Variants in VAV3 observed in about 807,000 individuals in gnomAD.
VAV3 encodes the protein guanine nucleotide exchange factor VAV3.
A neutral mutation model predicts 131.2 loss-of-function variants in VAV3; 94 were observed. The ratio of observed to expected loss-of-function variants is 0.72; its 90% CI spans 0.61 to 0.85. The LOEUF (loss-of-function observed/expected upper bound fraction) is 0.85. Among genes scored for constraint, VAV3 ranks in the 40% least tolerant of loss-of-function variants. The probability of loss-of-function intolerance (pLI) is 0.00; values close to 1 mark genes in which losing one functional copy is unlikely to be tolerated. For missense variants in VAV3, 939 were observed against 1,002.7 expected, an observed-to-expected ratio of 0.94 and a Z score of 0.86; for synonymous variants, 349 against 342.0, an observed-to-expected ratio of 1.02 and a Z score of -0.22.
At chr1:107,867,480 G>A (rs1362773852) in intron 2 of VAV3, among the ~76,000 whole-genome samples, 1 of 152,076 alleles carries the variant, frequency 6.6e-6, no homozygotes, top group African/African-American at 2.4e-5. Context: ...AACAAAGGAG[G>A]GCAATAGTGC....
chr1:107,830,839 TGGGA>T (rs1668218356), intron 2 of VAV3, among the ~76,000 whole-genome samples: 1 of 152,198 alleles, frequency 6.6e-6, no homozygotes, highest in Non-Finnish European at 1.5e-5. Context: ...CCCAAAGTAC[TGGGA>T]TTACAAGTGT....
chr1:107,878,756 A>G (rs1220105800), intron 1 of VAV3, among the ~76,000 whole-genome samples: 1 of 152,188 alleles, frequency 6.6e-6, no homozygotes, highest in Non-Finnish European at 1.5e-5. Flanking sequence ...TCTACTGTAA[A>G]GGTACATGTC....
intron 20 of VAV3, among the ~76,000 whole-genome samples, chr1:107,619,431 A>G (rs1238051425): frequency 1.3e-5 from 2 of 152,202 alleles, no homozygotes; most frequent in African/African-American, 4.8e-5. Context: ...GTTTGTTTTC[A>G]GCAGGCAGTG....
chr1:107,645,578 T>A (rs765773261), intron 19 of VAV3, among the ~76,000 whole-genome samples: 1 of 152,054 alleles, frequency 6.6e-6, no homozygotes, highest in Admixed American at 6.6e-5. Context: ...TTTCCACTTA[T>A]GAAAAAGGCA....
chr1:107,964,954 C>G lies in VAV3; in HGVS notation c.-85G>C. ...GCCGCCGCCGCGGTTCCTCCGCGCC[C>G]CGCCGACGCCAACAGCCGCCGGCCC... On this transcript the variant is annotated 5_prime_UTR_variant, in exon 1 of 27. Coordinates refer to ENST00000370056, the MANE Select transcript of VAV3 (RefSeq NM_006113.5). The G allele has an allele frequency of 8.8e-7, 1 of 1,134,498 alleles. No individual in the cohort carries two copies. The highest frequency in any genetic ancestry group is 4.6e-5 in the Admixed American group (1 of 21,820). The allele number at this position is 1,134,498 out of a possible 1,614,324, so 70.3% of individuals were successfully genotyped here. A position where few individuals can be genotyped will look rare whatever the true frequency, so the allele number is the denominator to read the frequency against.
intron 19 of VAV3, among the ~76,000 whole-genome samples, chr1:107,655,269 AACAG>A (rs1234384457): frequency 1.3e-5 from 2 of 152,274 alleles, no homozygotes; most frequent in East Asian, 3.9e-4. Context: ...CTGGCATAAA[AACAG>A]ACACATAGAC....
At chr1:107,816,779 T>C (rs942667069) in intron 2 of VAV3, among the ~76,000 whole-genome samples, 1 of 152,248 alleles carries the variant, frequency 6.6e-6, no homozygotes, top group African/African-American at 2.4e-5. Flanking sequence ...AAGAAATCTA[T>C]AATAATGTTT....
chr1:107,752,405 A>G (rs1005246850), intron 12 of VAV3, among the ~76,000 whole-genome samples: 3 of 152,222 alleles, frequency 2.0e-5, no homozygotes, highest in Non-Finnish European at 4.4e-5. Context: ...GAAAATGGGG[A>G]AAAACTTTAT....
chr1:107,686,694 A>C (rs1172204799), intron 18 of VAV3, among the ~76,000 whole-genome samples: 1 of 152,226 alleles, frequency 6.6e-6, no homozygotes, highest in East Asian at 1.9e-4. Flanking sequence ...TATATTGAAG[A>C]GTGAAACAAG....
intron 2 of VAV3, among the ~76,000 whole-genome samples, chr1:107,818,359 A>C (rs12724195): frequency 0.12 from 18,444 of 151,732 alleles, 1,548 homozygotes; most frequent in East Asian, 0.38. Context: ...AAATGCACCC[A>C]GTGCAGTTTT....
At position 107,749,562 on chromosome 1, in the gene VAV3, A is replaced by ACGAT; in HGVS notation, c.1288_1291dup (p.Val431AspfsTer4). ...ATAGTTATCACCTTTTCTCTTACATACGATCACTGCCAAATCAAATAAGAA... is the reference window on the plus strand; with the variant it reads ...ATAGTTATCACCTTTTCTCTTACATACGATCGATCACTGCCAAATCAAATAAGAA... On this transcript the variant is annotated frameshift_variant, in exon 14 of 27. Transcript: ENST00000370056. LOFTEE classifies it high-confidence loss of function. 6.2e-7 allele frequency: 1 copy of ACGAT among 1,611,498 alleles called. No individual in the cohort carries two copies. The highest frequency in any genetic ancestry group is 1.7e-4 in the Middle Eastern group (1 of 6,052).
chr1:107,778,566 G>C (rs1229500037), intron 3 of VAV3, among the ~76,000 whole-genome samples: 1 of 152,152 alleles, frequency 6.6e-6, no homozygotes, highest in Non-Finnish European at 1.5e-5. Flanking sequence ...TGTACCAGCA[G>C]GGCATTTTTC....
At chr1:107,775,905 G>A (rs1665329079) in intron 4 of VAV3, among the ~76,000 whole-genome samples, 3 of 152,152 alleles carry the variant, frequency 2.0e-5, no homozygotes, top group African/African-American at 7.2e-5. Context: ...TAAAAGCTCT[G>A]AGAGGGATCT....
intron 2 of VAV3, among the ~76,000 whole-genome samples, chr1:107,852,916 C>T (rs978332866): frequency 6.6e-6 from 1 of 152,116 alleles, no homozygotes; most frequent in Non-Finnish European, 1.5e-5. Flanking sequence ...CAACATTTCA[C>T]ACCACCTTTA....
Position 107,611,150 on chromosome 1 carries a change from G to T in VAV3, c.1981-1185C>A, listed in dbSNP as rs140432090. On this transcript the variant is annotated intron_variant, in intron 21 of 26. Coordinates refer to ENST00000370056, the MANE Select transcript of VAV3 (RefSeq NM_006113.5). ...ATCCCTAATCCAAAAATCTAAAATC[G>T]TATGTGCTCCAATGAGCATTTCCTT... is the stretch of plus-strand genomic sequence containing the variant. 3.4e-4 allele frequency among the ~76,000 whole-genome samples: 52 copies of T among 152,210 alleles called. 1 individual carries two copies. In the East Asian group the frequency reaches 9.7e-3, roughly 28 times the overall value.
chr1:107,688,465 C>G (rs764740134), intron 17 of VAV3, 59 bp from the exon 18 acceptor site: 2 of 1,608,288 alleles, frequency 1.2e-6, no homozygotes, highest in South Asian at 2.2e-5. Flanking sequence ...TGGTTAGCAA[C>G]CTTAGCTTTC....
intron 1 of VAV3, among the ~76,000 whole-genome samples, chr1:107,940,977 G>A (rs1673957392): frequency 8.1e-6 from 1 of 123,292 alleles, no homozygotes; most frequent in Non-Finnish European, 1.7e-5. Flanking sequence ...TTTATACTAT[G>A]TATATTTTAG....
intron 2 of VAV3, among the ~76,000 whole-genome samples, chr1:107,816,753 A>C (rs902228307): frequency 4.1e-4 from 62 of 152,274 alleles, no homozygotes; most frequent in African/African-American, 1.5e-3. Flanking sequence ...GGAATATATG[A>C]ACCTTTTAGA....
intron 1 of VAV3, among the ~76,000 whole-genome samples, chr1:107,912,241 G>C (rs763783077): frequency 2.0e-5 from 3 of 152,124 alleles, no homozygotes; most frequent in Non-Finnish European, 4.4e-5. Context: ...TTTCAAAAGA[G>C]AATCTATCAG....
Sources: gnomAD v4.1 joint callset for allele counts (sites outside exome capture counted in the v4.1 genomes callset) on GRCh38, gnomAD v4.1.1 for gene constraint, MANE v1.5 for transcripts, NCBI Gene and HGNC (gene_info 2026-07-23, HGNC 2026-07-21) for gene names.